TUT4: variants seen among roughly 807,000 people sequenced by gnomAD.
The protein encoded by TUT4 is terminal uridylyl transferase 4, also known as terminal uridylyltransferase 4.
A neutral mutation model predicts 192.2 loss-of-function variants in TUT4; 36 were observed. The ratio of observed to expected loss-of-function variants is 0.19; its 90% CI spans 0.14 to 0.25. The LOEUF is 0.25. Among genes scored for constraint, TUT4 ranks in the 10% least tolerant of loss-of-function variants. The pLI, the probability that TUT4 is intolerant of heterozygous loss-of-function variation, is 1.00. For synonymous variants in TUT4, 618 were observed against 666.0 expected (o/e 0.93, Z 1.11); for missense variants, 1,493 against 1,957.2 (o/e 0.76, Z 4.47).
intron 12 of TUT4, among the ~76,000 whole-genome samples, chr1:52,476,002 G>A (rs1418618742): frequency 6.6e-6 from 1 of 151,876 alleles, no homozygotes; most frequent in Non-Finnish European, 1.5e-5. Flanking sequence ...ACGCCACCAC[G>A]CCCAGCTAAT....
rs2149113061 is a variant in TUT4, at chr1:52,493,660, C to A, written c.1269G>T (p.Met423Ile). The A allele has an allele frequency of 1.3e-6, 2 of 1,503,914 alleles. No individual in the cohort carries two copies. The highest frequency in any genetic ancestry group is 1.8e-6 in the Non-Finnish European group (2 of 1,106,960). The allele number at this position is 1,503,914 out of a possible 1,614,324, so 93.2% of individuals were successfully genotyped here. A position where few individuals can be genotyped will look rare whatever the true frequency, so the allele number is the denominator to read the frequency against. Residue 423 changes from methionine (M) to isoleucine (I), a missense_variant and splice_region_variant, in exon 7 of 30, where the codon ATG (methionine) becomes ATT (isoleucine). By Grantham distance (10) the Met-to-Ile change is conservative. Transcript: ENST00000257177. ...CTTTTATCAGAAGATCTGGATGATTCATCTAAAAAAGTTTCAAAAATAAAT... is the reference window on the plus strand; with the variant it reads ...CTTTTATCAGAAGATCTGGATGATTAATCTAAAAAAGTTTCAAAAATAAAT... ...VNIDIKFPPK[M>I]NHPDLLIKVL...
intron 4 of TUT4, among the ~76,000 whole-genome samples, chr1:52,508,090 G>C (rs1372233808): frequency 1.3e-5 from 2 of 152,110 alleles, no homozygotes; most frequent in East Asian, 3.9e-4. Context: ...TGGGATTACA[G>C]ACCTTAGCCA....
At position 52,526,099 on chromosome 1, in the gene TUT4, T is replaced by C. The variant is rs772097495; in HGVS notation, c.182A>G (p.Asn61Ser). Residue 61 changes from asparagine to serine, a missense_variant, in exon 2 of 30, where the codon AAT (asparagine) becomes AGT (serine). Around this residue, in one of 7 missense-constraint regions of TUT4, gnomAD observed 260 missense variants for 247.8 expected, o/e 1.05. Transcript: ENST00000257177. The part of the protein sequence containing the change: ...NRNSSKKNKQ[N>S]DICIEKTEVK... ...TTCTGTTTTTTCTATACAAATATCA[T>C]TTTGCTTATTTTTTTTACTACTATT... is the stretch of plus-strand genomic sequence containing the variant. 1.2e-6 allele frequency: 2 copies of C among 1,608,948 alleles called. No homozygotes were observed. The highest frequency in any genetic ancestry group is 8.5e-7 in the Non-Finnish European group (1 of 1,178,802).
At chr1:52,495,612 C>T (rs1242352939) in intron 5 of TUT4, 97 bp from the exon 6 acceptor site, 13 of 727,840 alleles carry the variant, frequency 1.8e-5, no homozygotes, top group African/African-American at 1.1e-4. Flanking sequence ...TTCAGTTCTA[C>T]GTCTTCCATT....
At chr1:52,442,464 C>A (rs931380879) in intron 24 of TUT4, among the ~76,000 whole-genome samples, 1 of 152,122 alleles carries the variant, frequency 6.6e-6, no homozygotes, top group Non-Finnish European at 1.5e-5. Flanking sequence ...AGACTATGTA[C>A]AAGGACATTT....
intron 12 of TUT4, among the ~76,000 whole-genome samples, chr1:52,477,158 T>C (rs1405844576): frequency 6.6e-6 from 1 of 152,172 alleles, no homozygotes; most frequent in Non-Finnish European, 1.5e-5. Context: ...TTTGCATAAT[T>C]AAAAAATAAA....
At chr1:52,525,175 T>C (rs974320983) in intron 2 of TUT4, among the ~76,000 whole-genome samples, 3 of 152,214 alleles carry the variant, frequency 2.0e-5, no homozygotes, top group South Asian at 2.1e-4. Flanking sequence ...TGGTTTTCCA[T>C]TGTAAACAAA....
chr1:52,488,454 T>G (rs1035297687), intron 9 of TUT4, among the ~76,000 whole-genome samples: 3 of 152,182 alleles, frequency 2.0e-5, no homozygotes, highest in Non-Finnish European at 2.9e-5. Flanking sequence ...AAATAACTAA[T>G]GCTCAGCAGT....
chr1:52,438,152 T>C (rs2148297119), intron 25 of TUT4, 68 bp downstream of exon 25: 1 of 1,230,352 alleles, frequency 8.1e-7, no homozygotes, highest in South Asian at 1.3e-5. Flanking sequence ...TTTCTGAACA[T>C]AATTATAGCT....
chr1:52,474,756 A>G, intron 13 of TUT4, 76 bp downstream of exon 13: 1 of 1,266,140 alleles, frequency 7.9e-7, no homozygotes, highest in Non-Finnish European at 1.1e-6. Context: ...CTATTTTTAC[A>G]TTTCTAATCT....
In TUT4 at chr1:52,431,248, T is replaced by C; in HGVS notation, c.4476A>G (p.Gly1492=). 1 of 1,614,098 alleles carries C rather than the reference T, an allele frequency of 6.2e-7. No individual in the cohort carries two copies. The highest frequency in any genetic ancestry group is 8.5e-7 in the Non-Finnish European group (1 of 1,180,012). ...TCTGGAGAGGGTGCATTGGCAACAA[T>C]CCCATATTGTGCATGGGAGAATACT... The part of the protein sequence containing the change: ...PAQYSPMHNM[G]LLPMHPLQIP... Residue 1492 remains glycine, a synonymous_variant, in exon 28 of 30, where the codon GGA becomes GGG. Transcript: ENST00000257177.
At chr1:52,446,170 A>G in intron 22 of TUT4, 95 bp downstream of exon 22, 4 of 1,398,650 alleles carry the variant, frequency 2.9e-6, no homozygotes, top group Non-Finnish European at 3.9e-6. Flanking sequence ...ATAAAAGAGG[A>G]AGAATCTTCC....
At chr1:52,517,066 C>T (rs17107268) in intron 2 of TUT4, among the ~76,000 whole-genome samples, 3,324 of 152,290 alleles carry the variant, frequency 0.022, 105 homozygotes, top group African/African-American at 0.074. Context: ...ACATATGCTA[C>T]TCCCTTCTCC....
At chr1:52,484,263 T>TA (rs1358635586) in intron 9 of TUT4, among the ~76,000 whole-genome samples, 1 of 152,006 alleles carries the variant, frequency 6.6e-6, no homozygotes, top group Admixed American at 6.5e-5. Flanking sequence ...AGCAATATAA[T>TA]AAAAAATACA....
At position 52,517,933 on chromosome 1, in the gene TUT4, G is replaced by A. The variant is rs1006109102; in HGVS notation, c.719-1879C>T. 3.3e-5 allele frequency among the ~76,000 whole-genome samples: 5 copies of A among 152,086 alleles called. No homozygotes were observed. The South Asian group carries it at 6.2e-4, about 19-fold the overall frequency. On this transcript the variant is annotated intron_variant, in intron 2 of 29. Transcript: ENST00000257177. Reference sequence around the variant, plus strand: ...CATCAGCAAATCTTGTAAAAGTATCGTTTCTGCTAACACAAAGAATTAGAG... The same window carrying A: ...CATCAGCAAATCTTGTAAAAGTATCATTTCTGCTAACACAAAGAATTAGAG...
At chr1:52,505,446 G>A (rs375115213) in intron 4 of TUT4, among the ~76,000 whole-genome samples, 2 of 122,050 alleles carry the variant, frequency 1.6e-5, no homozygotes, top group African/African-American at 6.8e-5. Context: ...TTTTGAGACA[G>A]AGTATCACTC....
chr1:52,426,577 C>T (rs757220369), intron 28 of TUT4, among the ~76,000 whole-genome samples: 7 of 152,008 alleles, frequency 4.6e-5, no homozygotes, highest in Admixed American at 3.3e-4. Context: ...AACTAAAGCC[C>T]GTGTGAACTG....
At chr1:52,462,506 T>C (rs1662898402) in intron 16 of TUT4, 1 of 162,646 alleles carries the variant, frequency 6.1e-6, no homozygotes, top group Non-Finnish European at 1.3e-5. Flanking sequence ...AACTAAGTAT[T>C]GATTAGCTGT....
At chr1:52,527,447 G>A (rs750675592) in intron 1 of TUT4, among the ~76,000 whole-genome samples, 1 of 152,110 alleles carries the variant, frequency 6.6e-6, no homozygotes, top group Admixed American at 6.5e-5. Context: ...TCGGGAGGCT[G>A]AGGCAGGAGA....
Sources: allele counts gnomAD v4.1 joint callset (sites outside exome capture counted in the v4.1 genomes callset), GRCh38; gene constraint gnomAD v4.1.1; regional missense constraint gnomAD v4.1.1; transcripts MANE v1.5; gene names NCBI Gene and HGNC (gene_info 2026-07-23, HGNC 2026-07-21).